TAF1A: variants seen among roughly 807,000 people sequenced by gnomAD.
TAF1A encodes TATA box-binding protein-associated factor RNA polymerase I subunit A.
A neutral mutation model predicts 61.6 loss-of-function variants in TAF1A; 42 were observed. The observed-to-expected ratio is 0.68, with a 90% CI of 0.53 to 0.88. The LOEUF (loss-of-function observed/expected upper bound fraction) is 0.88. Among genes scored for constraint, TAF1A ranks in the 40% least tolerant of loss-of-function variants. The pLI is 0.00. For synonymous variants in TAF1A, 179 were observed against 177.7 expected (o/e 1.01, Z -0.06); for missense variants, 424 against 518.7 (o/e 0.82, Z 1.77).
intron 8 of TAF1A, among the ~76,000 whole-genome samples, chr1:222,563,792 G>A (rs566807118): frequency 5.1e-4 from 78 of 152,332 alleles, no homozygotes; most frequent in African/African-American, 1.8e-3. Context: ...TTCACATTGT[G>A]TAACAGGAGT....
Position 222,588,460 on chromosome 1 carries a change from G to C in TAF1A, c.104C>G (p.Thr35Arg). 6.2e-7 allele frequency: 1 copy of C among 1,613,728 alleles called. No individual in the cohort carries two copies. Among genetic ancestry groups the C allele is most frequent in the Non-Finnish European group, 8.5e-7 (1 of 1,179,886 alleles). ...GAGMHFPWLQTYVETVAIGGK... is the reference protein window; with the variant it reads ...GAGMHFPWLQRYVETVAIGGK... ...TTACTTACCCACAGTTTCTACGTAT[G>C]TTTGAAGCCAAGGAAAATGCATTCC... The change falls in exon 2 of 11, where the codon ACA (threonine) becomes AGA (arginine). Residue 35 changes from threonine to arginine, a missense_variant. Physicochemically the swap from Thr to Arg is moderately conservative, Grantham distance 71 (BLOSUM62 -1). Transcript: ENST00000352967.
At chr1:222,580,955 A>AT (rs1296309764) in intron 3 of TAF1A, among the ~76,000 whole-genome samples, 1 of 152,116 alleles carries the variant, frequency 6.6e-6, no homozygotes, top group Non-Finnish European at 1.5e-5. Flanking sequence ...GAGTGAGACC[A>AT]TCCTGGCTAA....
In TAF1A at chr1:222,569,656, A is replaced by T. The variant is rs1660267496; in HGVS notation, c.748T>A (p.Tyr250Asn). The stretch of plus-strand genomic sequence containing the variant: ...TCTTGGGCTCCATCTCGATCCCCAT[A>T]GAATTCCAGCATCTATATAAAATAA... ...VKSYVEMLEF[Y>N]GDRDGAQEVL... The change falls in exon 7 of 11, where the codon TAT (tyrosine) becomes AAT (asparagine). Residue 250 changes from tyrosine to asparagine, a missense_variant. Physicochemically the swap from Tyr to Asn is moderately radical, Grantham distance 143. Transcript: ENST00000352967. The T allele has an allele frequency of 6.2e-7, 1 of 1,611,572 alleles. No homozygotes were observed. The highest frequency in any genetic ancestry group is 1.1e-5 in the South Asian group (1 of 90,408).
chr1:222,555,218 G>A (rs1189113168), downstream of TAF1A, among the ~76,000 whole-genome samples: 2 of 151,980 alleles, frequency 1.3e-5, no homozygotes, highest in African/African-American at 2.4e-5. Flanking sequence ...ACAATATGGA[G>A]GTTCCCCCAA....
chr1:222,570,337 T>C (rs1660298685), intron 6 of TAF1A, among the ~76,000 whole-genome samples, 198 bp downstream of exon 6: 1 of 152,230 alleles, frequency 6.6e-6, no homozygotes, highest in South Asian at 2.1e-4. Context: ...CTATTTATTT[T>C]ATAGATACTT....
At position 222,567,098 on chromosome 1, in the gene TAF1A, G is replaced by A. The variant is rs571246924; in HGVS notation, c.894+2412C>T. 4.6e-5 allele frequency among the ~76,000 whole-genome samples: 7 copies of A among 152,220 alleles called. No individual in the cohort carries two copies. The East Asian group carries it at 1.2e-3, about 25-fold the overall frequency. On this transcript the variant is annotated intron_variant, in intron 7 of 10. Transcript: ENST00000352967. ...GCAAAATGTTGTAGGTACATAAAAT[G>A]GAATATTATTCAGCCTTAAATAAAA...
chr1:222,572,509 T>C (rs1029990922), intron 5 of TAF1A, among the ~76,000 whole-genome samples: 3 of 152,108 alleles, frequency 2.0e-5, no homozygotes, highest in Admixed American at 2.0e-4. Flanking sequence ...AGGCACACGC[T>C]ACCACACTCA....
chr1:222,571,970 A>G (rs1660371565), intron 5 of TAF1A, among the ~76,000 whole-genome samples: 1 of 152,202 alleles, frequency 6.6e-6, no homozygotes, highest in Non-Finnish European at 1.5e-5. Context: ...TAATCCCAGC[A>G]CTTTGGGAGG....
chr1:222,571,461 T>C (rs998255398), intron 5 of TAF1A, among the ~76,000 whole-genome samples: 4 of 152,150 alleles, frequency 2.6e-5, no homozygotes, highest in Admixed American at 1.3e-4. Context: ...GCAGATGACA[T>C]GGTCTTGTAC....
At position 222,563,281 on chromosome 1, in the gene TAF1A, C is replaced by T. The variant is rs146551189; in HGVS notation, c.977G>A (p.Arg326His). The change falls in exon 9 of 11, where the codon CGT (arginine) becomes CAT (histidine). Residue 326 changes from arginine (R) to histidine (H), a missense_variant. Coordinates refer to ENST00000352967, the MANE Select transcript of TAF1A (RefSeq NM_005681.4). Reference protein sequence around the residue: ...LLRKSEKEEHRKLGLEVLFGV... With the variant: ...LLRKSEKEEHHKLGLEVLFGV... ...AAATAATACCTCCAACCCCAGTTTA[C>T]GGTGTTCTTCTTTTTCTGCAATGGT... is the stretch of plus-strand genomic sequence containing the variant. The T allele has an allele frequency of 1.1e-3, 1,745 of 1,612,470 alleles. 3 individuals are homozygous for T. The highest frequency in any genetic ancestry group is 0.01 in the Middle Eastern group (62 of 6,054).
intron 10 of TAF1A, 36 bp downstream of exon 10, chr1:222,561,328 A>G (rs754633168): frequency 1.3e-6 from 2 of 1,570,856 alleles, no homozygotes; most frequent in Non-Finnish European, 1.7e-6. Flanking sequence ...AATCAGCCAA[A>G]GCTGTGTCTA....
intron 9 of TAF1A, among the ~76,000 whole-genome samples, chr1:222,562,742 G>A (rs1659964666): frequency 6.6e-6 from 1 of 152,116 alleles, no homozygotes; most frequent in Non-Finnish European, 1.5e-5. Context: ...TTTGTTAAAT[G>A]ACTAGTGTAT....
chr1:222,562,382 G>A (rs2102638556), intron 9 of TAF1A, among the ~76,000 whole-genome samples: 1 of 152,228 alleles, frequency 6.6e-6, no homozygotes, highest in Non-Finnish European at 1.5e-5. Flanking sequence ...GAACCTCTTT[G>A]CTTTCAAGGA....
chr1:222,580,113 A>C (rs1660730728), intron 3 of TAF1A, among the ~76,000 whole-genome samples: 1 of 152,306 alleles, frequency 6.6e-6, no homozygotes, highest in South Asian at 2.1e-4. Context: ...ATCATTATTA[A>C]TTTAGTAGTT....
intron 7 of TAF1A, among the ~76,000 whole-genome samples, chr1:222,568,556 A>T (rs1355613018): frequency 2.0e-5 from 3 of 152,246 alleles, no homozygotes; most frequent in African/African-American, 4.8e-5. Flanking sequence ...ATTTAATGCC[A>T]CATGGGACAC....
chr1:222,582,770 T>C (rs1660836093), intron 3 of TAF1A, among the ~76,000 whole-genome samples: 1 of 152,190 alleles, frequency 6.6e-6, no homozygotes, highest in Non-Finnish European at 1.5e-5. Context: ...ATAAAAGTAA[T>C]GAAGTACTTA....
intron 4 of TAF1A, 111 bp downstream of exon 4, chr1:222,579,648 T>G: frequency 1.6e-6 from 2 of 1,245,520 alleles, no homozygotes; most frequent in Admixed American, 2.7e-5. Context: ...TTATCCAGAA[T>G]GTCTTATCCT....
chr1:222,558,615 C>G lies in TAF1A; in HGVS notation c.*45G>C. 3 of 1,015,960 alleles carry G rather than the reference C, an allele frequency of 3.0e-6. No individual in the cohort carries two copies. The highest frequency in any genetic ancestry group is 1.4e-6 in the Non-Finnish European group (1 of 715,310). The allele number at this position is 1,015,960 out of a possible 1,614,324, so 62.9% of individuals were successfully genotyped here. A position where few individuals can be genotyped will look rare whatever the true frequency, so the allele number is the denominator to read the frequency against. On this transcript the variant is annotated 3_prime_UTR_variant, in exon 11 of 11. Transcript: ENST00000352967. ...ATACATTCAATAACTATCTACCAAG[C>G]TACTTACTGTGTAGCTACAACTGTG...
chr1:222,589,584 T>C (rs934952547), intron 1 of TAF1A, 143 bp downstream of exon 1: 1 of 153,414 alleles, frequency 6.5e-6, no homozygotes, highest in African/African-American at 2.4e-5. Context: ...CAACCAAAGC[T>C]TCTCTATCCC....
Sources: allele counts gnomAD v4.1 joint callset (sites outside exome capture counted in the v4.1 genomes callset), GRCh38; gene constraint gnomAD v4.1.1; transcripts MANE v1.5; gene names NCBI Gene and HGNC (gene_info 2026-07-23, HGNC 2026-07-21).